PHF12: variants seen among roughly 807,000 people sequenced by gnomAD.
PHF12 encodes the protein PHD finger protein 12, also known as PHD factor 1.
PHF12 carries 6 observed loss-of-function variants against 99.8 expected under a neutral mutation model. The observed-to-expected ratio is 0.06, with a 90% CI of 0.03 to 0.12. The LOEUF is 0.12. Among genes scored for constraint, PHF12 ranks in the 10% least tolerant of loss-of-function variants. The probability of loss-of-function intolerance (pLI) is 1.00; values close to 1 mark genes in which losing one functional copy is unlikely to be tolerated. For missense variants in PHF12, 954 were observed against 1,300.1 expected, an observed-to-expected ratio of 0.73 and a Z score of 4.09; for synonymous variants, 480 against 514.9, an observed-to-expected ratio of 0.93 and a Z score of 0.92.
intron 2 of PHF12, among the ~76,000 whole-genome samples, chr17:28,936,878 A>G (rs995701056): frequency 6.8e-6 from 1 of 147,286 alleles, no homozygotes; most frequent in Admixed American, 6.6e-5. Context: ...TGCAAAACAT[A>G]AATACATGCT....
chr17:28,924,540 C>G, intron 3 of PHF12: 1 of 586,824 alleles, frequency 1.7e-6, no homozygotes. Flanking sequence ...TTAGGAATAA[C>G]TATACAAAAT....
At position 28,950,716 on chromosome 17, in the gene PHF12, G is replaced by T; in HGVS notation, c.66+179C>A. ...GCGGGTAGGTGAAACTGCTGCAAAC[G>T]TCCTCGGAGGCTGAGCTCAGCCCCC... On this transcript the variant is annotated intron_variant, in intron 1 of 14. Transcript: ENST00000332830. The surrounding 1 kb of genome is among the most constrained non-coding windows in gnomAD (Gnocchi z 5.7). 2 of 872,648 alleles carry T rather than the reference G, an allele frequency of 2.3e-6. No homozygotes were observed. Among genetic ancestry groups the T allele is most frequent in the Admixed American group, 3.5e-5 (1 of 28,372 alleles). The allele number at this position is 872,648 out of a possible 1,614,324, so 54.1% of individuals were successfully genotyped here. A position where few individuals can be genotyped will look rare whatever the true frequency, so the allele number is the denominator to read the frequency against.
At chr17:28,913,828 G>T in intron 8 of PHF12, 51 bp downstream of exon 8, 1 of 1,565,378 alleles carries the variant, frequency 6.4e-7, no homozygotes, top group South Asian at 1.2e-5. Flanking sequence ...AACAGCTGTG[G>T]TGACACAGAA....
chr17:28,946,167 C>A (rs2040719770), intron 2 of PHF12, among the ~76,000 whole-genome samples: 1 of 152,164 alleles, frequency 6.6e-6, no homozygotes, highest in Non-Finnish European at 1.5e-5. Flanking sequence ...ACACACATCT[C>A]TTTCCAATTC....
At chr17:28,944,374 T>C in intron 2 of PHF12, 1 of 649,212 alleles carries the variant, frequency 1.5e-6, no homozygotes, top group Admixed American at 6.3e-5. Flanking sequence ...AAAACTGTAA[T>C]CTTTCAAGAG....
chr17:28,949,905 G>T lies in PHF12; in HGVS notation c.248+160C>A. The T allele has an allele frequency of 1.2e-6, 1 of 803,632 alleles. No individual in the cohort carries two copies. The highest frequency in any genetic ancestry group is 1.9e-6 in the Non-Finnish European group (1 of 524,952). 49.8% of individuals were successfully genotyped at this position (803,632 alleles called of 1,614,324 possible). On this transcript the variant is annotated intron_variant, in intron 2 of 14. Transcript: ENST00000332830. This position sits in a 1 kb window ranked among gnomAD's most constrained non-coding sequence, Gnocchi z 4.6. ...CCTCCCCGCTAAACTGCCAGAACCC[G>T]GCGGACACCTGGGGGCGGGGAGGTG...
chr17:28,935,444 G>A (rs1007230503), intron 2 of PHF12, among the ~76,000 whole-genome samples: 4 of 151,822 alleles, frequency 2.6e-5, no homozygotes, highest in African/African-American at 9.7e-5. Context: ...GCTAATTTTT[G>A]TCTTTTTAGT....
At chr17:28,945,946 C>A (rs2040713620) in intron 2 of PHF12, among the ~76,000 whole-genome samples, 1 of 152,120 alleles carries the variant, frequency 6.6e-6, no homozygotes, top group Non-Finnish European at 1.5e-5. Context: ...CCAGCCTGAC[C>A]AACACGGTGA....
At chr17:28,946,855 C>T (rs1414572966) in intron 2 of PHF12, among the ~76,000 whole-genome samples, 1 of 151,894 alleles carries the variant, frequency 6.6e-6, no homozygotes, top group Non-Finnish European at 1.5e-5. Context: ...TACTCTTGTA[C>T]TTTCCGTATG....
chr17:28,907,731 T>G, intron 12 of PHF12, 59 bp from the exon 13 acceptor site: 1 of 1,535,014 alleles, frequency 6.5e-7, no homozygotes, highest in Non-Finnish European at 9.0e-7. Context: ...AAGGTGCATG[T>G]GTCGGGGAGG....
intron 2 of PHF12, among the ~76,000 whole-genome samples, chr17:28,933,170 AC>A (rs1209968342): frequency 6.6e-6 from 1 of 152,184 alleles, no homozygotes; most frequent in Admixed American, 6.5e-5. Flanking sequence ...AAGTCACGTA[AC>A]ACTGAGATTA....
In PHF12 at chr17:28,906,194, A is replaced by G. The variant is rs1440430233; in HGVS notation, c.3004T>C (p.Ser1002Pro). Residue 1002 changes from serine to proline, a missense_variant, in exon 15 of 15, where the codon TCT becomes CCT. Around this residue, in one of 8 missense-constraint regions of PHF12, gnomAD observed 136 missense variants for 172.3 expected, o/e 0.79. Coordinates refer to ENST00000332830, the MANE Select transcript of PHF12 (RefSeq NM_001033561.2). This position sits in a 1 kb window ranked among gnomAD's most constrained non-coding sequence, Gnocchi z 4.2. Reference sequence around the variant, plus strand: ...GGTAGCCGCCAGTCCTAAGGAACAGAGTTGGAGCGCAGCACAGGGCCCTGG... The same window carrying G: ...GGTAGCCGCCAGTCCTAAGGAACAGGGTTGGAGCGCAGCACAGGGCCCTGG... Reference protein sequence around the residue: ...PHQGPVLRSNSVP With the variant: ...PHQGPVLRSNPVP The G allele has an allele frequency of 1.9e-6, 3 of 1,592,154 alleles. No individual in the cohort carries two copies. Among genetic ancestry groups the G allele is most frequent in the Non-Finnish European group, 2.6e-6 (3 of 1,165,184 alleles).
chr17:28,917,260 T>G, intron 7 of PHF12, 25 bp downstream of exon 7: 1 of 1,612,654 alleles, frequency 6.2e-7, no homozygotes, highest in South Asian at 1.1e-5. Context: ...GACTACCATC[T>G]TGCCTGCACC....
intron 2 of PHF12, among the ~76,000 whole-genome samples, chr17:28,930,444 G>C (rs1201233054): frequency 6.6e-6 from 1 of 152,170 alleles, no homozygotes; most frequent in Non-Finnish European, 1.5e-5. Context: ...CTAAGGAATG[G>C]GCTTCTAGGA....
chr17:28,921,872 AAAC>A, intron 4 of PHF12, 64 bp from the exon 5 acceptor site: 2 of 1,599,408 alleles, frequency 1.3e-6, no homozygotes, highest in Non-Finnish European at 1.7e-6. Flanking sequence ...TGCAATATGG[AAAC>A]AACATTAAGT....
chr17:28,935,861 A>T (rs1218939290), intron 2 of PHF12, among the ~76,000 whole-genome samples: 1 of 152,180 alleles, frequency 6.6e-6, no homozygotes, highest in Non-Finnish European at 1.5e-5. Flanking sequence ...GGTTATCTAG[A>T]TCAGTCTATT....
rs1191011872 is a variant in PHF12, at chr17:28,910,563, C to T, written c.2216-194G>A. The stretch of plus-strand genomic sequence containing the variant: ...ACTTGCCATTTGCAGTGAGATGGGC[C>T]CCAATGCAGCCTGTGCAGCTGCCTC... On this transcript the variant is annotated intron_variant, in intron 10 of 14. Transcript: ENST00000332830. The T allele has an allele frequency of 9.3e-6, 6 of 645,116 alleles. No individual in the cohort carries two copies. In the Admixed American group the frequency reaches 1.2e-4, roughly 13 times the overall value. The allele number at this position is 645,116 out of a possible 1,614,324, so 40.0% of individuals were successfully genotyped here. A position where few individuals can be genotyped will look rare whatever the true frequency, so the allele number is the denominator to read the frequency against.
Position 28,906,336 on chromosome 17 carries a change from C to A in PHF12, c.2862G>T (p.Lys954Asn). ...TGAAGACAAACTGCAGGCAGCCCAG[C>A]TTGATGTAGCTGCCATGGTGCAGTA... Reference protein sequence around the residue: ...TALLHHGSYIKLGCLQFVFSI... With the variant: ...TALLHHGSYINLGCLQFVFSI... Residue 954 changes from lysine (K) to asparagine (N), a missense_variant, in exon 15 of 15, where the codon AAG (lysine) becomes AAT (asparagine). Lys to Asn is a moderately conservative substitution (Grantham distance 94, BLOSUM62 0). Coordinates refer to ENST00000332830, the MANE Select transcript of PHF12 (RefSeq NM_001033561.2). The surrounding 1 kb of genome is among the most constrained non-coding windows in gnomAD (Gnocchi z 4.2). 1 of 1,614,212 alleles carries A rather than the reference C, an allele frequency of 6.2e-7. No homozygotes were observed. Among genetic ancestry groups the A allele is most frequent in the Non-Finnish European group, 8.5e-7 (1 of 1,180,016 alleles).
At chr17:28,940,089 CAG>C (rs1450481143) in intron 2 of PHF12, among the ~76,000 whole-genome samples, 4 of 152,152 alleles carry the variant, frequency 2.6e-5, no homozygotes, top group Admixed American at 6.5e-5. Context: ...TGTCAGAAAA[CAG>C]GGGAGAGGCA....
Sources: allele counts gnomAD v4.1 joint callset (sites outside exome capture counted in the v4.1 genomes callset), GRCh38; gene constraint gnomAD v4.1.1; regional missense constraint gnomAD v4.1.1; non-coding constraint Gnocchi (gnomAD v3.1); transcripts MANE v1.5; gene names NCBI Gene and HGNC (gene_info 2026-07-23, HGNC 2026-07-21).